Variants in TENM2 observed in about 807,000 individuals in gnomAD.
TENM2 encodes the protein teneurin-2.
A neutral mutation model predicts 245.2 loss-of-function variants in TENM2; 52 were observed. The ratio of observed to expected loss-of-function variants is 0.21; its 90% CI spans 0.17 to 0.27. The LOEUF (loss-of-function observed/expected upper bound fraction) is 0.27, where lower values mean the gene tolerates loss of function less well. Among genes scored for constraint, TENM2 ranks in the 10% least tolerant of loss-of-function variants. The pLI is 1.00. For missense variants in TENM2, 3,046 were observed against 3,666.8 expected (o/e 0.83, Z 4.37); for synonymous variants, 1,363 against 1,438.9 (o/e 0.95, Z 1.19).
chr5:167,888,250 A>G (rs1774453299), intron 3 of TENM2, among the ~76,000 whole-genome samples: 1 of 152,140 alleles, frequency 6.6e-6, no homozygotes, highest in South Asian at 2.1e-4. Context: ...CTTCTCTATT[A>G]TTGAACCCAC....
intron 2 of TENM2, among the ~76,000 whole-genome samples, chr5:167,640,882 T>TATATATATCC (rs1554094286): frequency 1.5e-5 from 1 of 67,528 alleles, no homozygotes; most frequent in South Asian, 4.5e-4. Flanking sequence ...TATATATATA[T>TATATATATCC]ATATATATAT....
the TENM2 span, among the ~76,000 whole-genome samples, chr5:167,040,441 A>C: frequency 6.6e-6 from 1 of 152,080 alleles, no homozygotes; most frequent in Admixed American, 6.5e-5. Context: ...AGTAAACAGC[A>C]ATCAAATCAT....
chr5:167,613,040 C>A (rs1777573343), intron 2 of TENM2, among the ~76,000 whole-genome samples: 1 of 152,108 alleles, frequency 6.6e-6, no homozygotes, highest in Admixed American at 6.5e-5. Context: ...AGAGTCAGAT[C>A]TGACTATAAA....
At chr5:168,105,503 G>A (rs536497647) in intron 9 of TENM2, among the ~76,000 whole-genome samples, 1 of 152,252 alleles carries the variant, frequency 6.6e-6, no homozygotes, top group Non-Finnish European at 1.5e-5. Flanking sequence ...TGAGAGACCG[G>A]GTCATGAGGA....
chr5:167,862,965 A>G (rs1024970), intron 2 of TENM2, among the ~76,000 whole-genome samples: 117,330 of 152,174 alleles, frequency 0.77, 47,830 homozygotes, highest in Non-Finnish European at 0.91. Context: ...GCCCTACCCT[A>G]GTTAAAATTA....
At chr5:167,672,148 A>C (rs995400581) in intron 2 of TENM2, among the ~76,000 whole-genome samples, 6 of 152,048 alleles carry the variant, frequency 3.9e-5, no homozygotes, top group Non-Finnish European at 8.8e-5. Context: ...ACCTATACAA[A>C]CTGGTAACTA....
rs1288803610 is a variant in TENM2 at position 167,621,844 on chromosome 5, A to G, written c.502+246371A>G. 2.6e-5 allele frequency among the ~76,000 whole-genome samples: 4 copies of G among 152,304 alleles called. No homozygotes were observed. The East Asian group carries it at 7.7e-4, about 29-fold the overall frequency. The stretch of plus-strand genomic sequence containing the variant: ...ATTCCAAGGCTTCACTTGCAGGCTT[A>G]TGAATTTGGAATTTCTGAGAGTAGA... On this transcript the variant is annotated intron_variant, in intron 2 of 28. Coordinates refer to ENST00000518659, the Ensembl canonical transcript of TENM2.
chr5:167,800,272 A>T (rs1284052121), intron 2 of TENM2, among the ~76,000 whole-genome samples: 1 of 152,202 alleles, frequency 6.6e-6, no homozygotes, highest in Non-Finnish European at 1.5e-5. Flanking sequence ...GTTTTATTTA[A>T]CAGATGAGAG....
intron 2 of TENM2, among the ~76,000 whole-genome samples, chr5:167,655,874 G>T (rs573643088): frequency 6.6e-6 from 1 of 152,086 alleles, no homozygotes. Flanking sequence ...GCTCTTTTCC[G>T]CCTGCCAGGG....
At chr5:167,097,819 A>C in the TENM2 span, among the ~76,000 whole-genome samples, 2 of 152,170 alleles carry the variant, frequency 1.3e-5, no homozygotes, top group East Asian at 3.9e-4. Flanking sequence ...CTCAAGTAAA[A>C]AACAGAAAAG....
At position 168,244,299 on chromosome 5, in the gene TENM2, G is replaced by A; in HGVS notation, c.5521-121G>A. On this transcript the variant is annotated intron_variant, in intron 25 of 28. Transcript: ENST00000518659. This position sits in a 1 kb window ranked among gnomAD's most constrained non-coding sequence, Gnocchi z 4.9. Reference sequence around the variant, plus strand: ...CTTAGAAAGCACTACTCTAACTTTGGGGTTATTTCTTCCTCCAGTGAACAC... The same window carrying A: ...CTTAGAAAGCACTACTCTAACTTTGAGGTTATTTCTTCCTCCAGTGAACAC... 1.2e-6 allele frequency: 1 copy of A among 815,638 alleles called. No homozygotes were observed. Among genetic ancestry groups the A allele is most frequent in the South Asian group, 3.5e-5 (1 of 28,682 alleles). The allele number at this position is 815,638 out of a possible 1,614,324, so 50.5% of individuals were successfully genotyped here.
chr5:167,566,997 T>G (rs1773949078), intron 2 of TENM2, among the ~76,000 whole-genome samples: 1 of 152,168 alleles, frequency 6.6e-6, no homozygotes, highest in South Asian at 2.1e-4. Flanking sequence ...GTGAGCAGTT[T>G]TATAAGCAAA....
At chr5:167,533,878 G>A (rs1319631205) in intron 2 of TENM2, among the ~76,000 whole-genome samples, 2 of 152,156 alleles carry the variant, frequency 1.3e-5, no homozygotes, top group Non-Finnish European at 2.9e-5. Flanking sequence ...TGACAGCATG[G>A]TATTGGAGTC....
chr5:167,351,752 G>A (rs556891756), intron 1 of TENM2, among the ~76,000 whole-genome samples: 1 of 152,064 alleles, frequency 6.6e-6, no homozygotes, highest in Admixed American at 6.6e-5. Flanking sequence ...TCAAAAGTTT[G>A]CTGGCCCCAA....
chr5:167,108,865 C>T, the TENM2 span, among the ~76,000 whole-genome samples: 3 of 152,098 alleles, frequency 2.0e-5, no homozygotes, highest in Admixed American at 6.6e-5. Flanking sequence ...CAAAATAACT[C>T]GAAAAAATTT....
intron 12 of TENM2, among the ~76,000 whole-genome samples, chr5:168,143,841 TTC>T: frequency 1.1e-5 from 1 of 88,632 alleles, no homozygotes; most frequent in Non-Finnish European, 2.1e-5. Context: ...TCTACTACAC[TTC>T]TTTTTTTTTT....
At chr5:167,298,605 A>C (rs529398562) in intron 1 of TENM2, among the ~76,000 whole-genome samples, 23 of 152,380 alleles carry the variant, frequency 1.5e-4, no homozygotes, top group Admixed American at 2.0e-4. Flanking sequence ...CCGTCTCAAA[A>C]AAACAAACAA....
At chr5:167,553,894 G>A (rs923434087) in intron 2 of TENM2, among the ~76,000 whole-genome samples, 2 of 152,232 alleles carry the variant, frequency 1.3e-5, no homozygotes, top group African/African-American at 2.4e-5. Context: ...GGTGGGCCAG[G>A]CAGGCTGGAC....
Position 168,244,814 on chromosome 5 carries a change from G to C in TENM2, c.5817+98G>C, listed in dbSNP as rs1355529846. On this transcript the variant is annotated intron_variant, in intron 26 of 28. Transcript: ENST00000518659. This position sits in a 1 kb window ranked among gnomAD's most constrained non-coding sequence, Gnocchi z 4.9. ...AGACAGAGACTTGCTCTGTTGCCCA[G>C]GCTGGAGTGCAGTGGCATGATCTCG... 1.8e-5 allele frequency: 19 copies of C among 1,067,642 alleles called. No homozygotes were observed. Among genetic ancestry groups the C allele is most frequent in the South Asian group, 5.9e-5 (2 of 34,180 alleles). The allele number at this position is 1,067,642 out of a possible 1,614,324, so 66.1% of individuals were successfully genotyped here. A position where few individuals can be genotyped will look rare whatever the true frequency, so the allele number is the denominator to read the frequency against.
Sources: gnomAD v4.1 joint callset for allele counts (sites outside exome capture counted in the v4.1 genomes callset) on GRCh38, gnomAD v4.1.1 for gene constraint, Gnocchi (gnomAD v3.1) non-coding constraint, MANE v1.5 for transcripts, NCBI Gene and HGNC (gene_info 2026-07-23, HGNC 2026-07-21) for gene names.